PDE1A: variants seen among roughly 807,000 people sequenced by gnomAD.
PDE1A encodes dual specificity calcium/calmodulin-dependent 3',5'-cyclic nucleotide phosphodiesterase 1A.
Under a neutral mutation model 61.7 loss-of-function variants are expected in PDE1A, and 35 were observed. The ratio of observed to expected loss-of-function variants is 0.57; its 90% CI spans 0.43 to 0.75. The LOEUF (loss-of-function observed/expected upper bound fraction) is 0.75. Ranked by LOEUF, PDE1A falls within the 30% of genes least tolerant of loss-of-function variation. The pLI is 0.00. For missense variants in PDE1A, 597 were observed against 630.6 expected, an observed-to-expected ratio of 0.95 and a Z score of 0.57; for synonymous variants, 232 against 213.2, an observed-to-expected ratio of 1.09 and a Z score of -0.77.
chr2:182,653,656 T>C, the PDE1A span, among the ~76,000 whole-genome samples: 3 of 152,154 alleles, frequency 2.0e-5, no homozygotes, highest in Non-Finnish European at 2.9e-5. Flanking sequence ...TGGAAGGGGA[T>C]TGATGTAATC....
At chr2:182,439,426 TGAG>T (rs1684650262) in intron 2 of PDE1A, among the ~76,000 whole-genome samples, 1 of 151,862 alleles carries the variant, frequency 6.6e-6, no homozygotes, top group Non-Finnish European at 1.5e-5. Context: ...CTCTGGCAAT[TGAG>T]GAGATGGACA....
chr2:182,234,375 T>C, intron 4 of PDE1A, 57 bp downstream of exon 4: 1 of 1,192,462 alleles, frequency 8.4e-7, no homozygotes, highest in Admixed American at 1.9e-5. Flanking sequence ...CATAGCCTTT[T>C]TAAGAGAATT....
At chr2:182,620,387 T>C in the PDE1A span, among the ~76,000 whole-genome samples, 1 of 152,212 alleles carries the variant, frequency 6.6e-6, no homozygotes, top group Non-Finnish European at 1.5e-5. Flanking sequence ...AGTTTGATTA[T>C]AGCATCTATA....
At chr2:182,641,527 C>T in the PDE1A span, among the ~76,000 whole-genome samples, 1 of 152,022 alleles carries the variant, frequency 6.6e-6, no homozygotes, top group Non-Finnish European at 1.5e-5. Flanking sequence ...AACCACTAAT[C>T]CAAATGAGTT....
chr2:182,323,765 G>A (rs1014988722), intron 1 of PDE1A, among the ~76,000 whole-genome samples: 8 of 152,062 alleles, frequency 5.3e-5, no homozygotes, highest in Admixed American at 2.0e-4. Context: ...TACATCTCAC[G>A]AACTCTGAGG....
At chr2:182,339,728 G>A (rs916497198) in intron 1 of PDE1A, among the ~76,000 whole-genome samples, 1 of 152,128 alleles carries the variant, frequency 6.6e-6, no homozygotes, top group Non-Finnish European at 1.5e-5. Flanking sequence ...CTATGACAGT[G>A]GTTCCAAAAC....
intron 1 of PDE1A, among the ~76,000 whole-genome samples, chr2:182,331,247 T>C (rs1417692922): frequency 6.6e-6 from 1 of 152,214 alleles, no homozygotes; most frequent in Non-Finnish European, 1.5e-5. Flanking sequence ...GTGCTTAAGT[T>C]CACTCATCTA....
chr2:182,337,978 T>C (rs763412764), intron 1 of PDE1A, among the ~76,000 whole-genome samples: 1 of 152,222 alleles, frequency 6.6e-6, no homozygotes, highest in African/African-American at 2.4e-5. Context: ...CACATAGGTA[T>C]GTTCCTACTG....
intron 1 of PDE1A, among the ~76,000 whole-genome samples, chr2:182,379,645 AT>A (rs1700613561): frequency 1.3e-5 from 2 of 152,380 alleles, no homozygotes; most frequent in South Asian, 4.1e-4. Flanking sequence ...ATAACATAAA[AT>A]AATTTAAGCA....
intron 13 of PDE1A, among the ~76,000 whole-genome samples, chr2:182,152,911 G>C (rs1690871266): frequency 1.3e-5 from 2 of 152,138 alleles, no homozygotes; most frequent in Non-Finnish European, 2.9e-5. Context: ...TAAAATTAGA[G>C]CAAGTAATAC....
At chr2:182,305,449 G>C (rs1695517978) in intron 1 of PDE1A, among the ~76,000 whole-genome samples, 1 of 152,074 alleles carries the variant, frequency 6.6e-6, no homozygotes, top group Middle Eastern at 3.4e-3. Flanking sequence ...AGAGACTGCT[G>C]ACCAGATTTA....
chr2:182,495,406 T>C (rs1008231675), intron 2 of PDE1A, among the ~76,000 whole-genome samples: 3 of 152,182 alleles, frequency 2.0e-5, no homozygotes, highest in Non-Finnish European at 4.4e-5. Flanking sequence ...GAATCTGGCT[T>C]TGGTTGGCAC....
At chr2:182,613,814 G>C in the PDE1A span, among the ~76,000 whole-genome samples, 2 of 152,138 alleles carry the variant, frequency 1.3e-5, no homozygotes, top group Non-Finnish European at 2.9e-5. Flanking sequence ...GGATTGCCAT[G>C]GGGTATTTTA....
chr2:182,695,357 A>C, the PDE1A span, among the ~76,000 whole-genome samples: 1 of 152,184 alleles, frequency 6.6e-6, no homozygotes, highest in Non-Finnish European at 1.5e-5. Flanking sequence ...AAGTAGGAAA[A>C]CTTAAACTAT....
At chr2:182,495,318 C>T (rs183203267) in intron 2 of PDE1A, among the ~76,000 whole-genome samples, 208 of 152,176 alleles carry the variant, frequency 1.4e-3, no homozygotes, top group African/African-American at 4.7e-3. Flanking sequence ...CGATACAGAC[C>T]AGAGGAGGCC....
At chr2:182,252,881 G>C (rs185526061) in intron 2 of PDE1A, among the ~76,000 whole-genome samples, 155 of 152,296 alleles carry the variant, frequency 1.0e-3, no homozygotes, top group African/African-American at 3.6e-3. Context: ...AAAAGAGATG[G>C]AGAGTAGACA....
chr2:182,251,520 G>A (rs1691401244), intron 2 of PDE1A, among the ~76,000 whole-genome samples: 1 of 152,158 alleles, frequency 6.6e-6, no homozygotes, highest in Non-Finnish European at 1.5e-5. Context: ...AAGTTCCCAT[G>A]CTGTAAGACC....
chr2:182,387,773 A>G (rs1162755800), intron 1 of PDE1A, among the ~76,000 whole-genome samples: 2 of 150,198 alleles, frequency 1.3e-5, no homozygotes, highest in African/African-American at 5.0e-5. Context: ...AAAAAAAGAA[A>G]GAAAAAAGAA....
At chr2:182,243,183 G>T (rs1351542569) in intron 2 of PDE1A, among the ~76,000 whole-genome samples, 1 of 151,804 alleles carries the variant, frequency 6.6e-6, no homozygotes, top group Non-Finnish European at 1.5e-5. Flanking sequence ...AAACATTACA[G>T]AATTATTGTC....
Sources: gnomAD v4.1 joint callset for allele counts (sites outside exome capture counted in the v4.1 genomes callset) on GRCh38, gnomAD v4.1.1 for gene constraint, MANE v1.5 for transcripts, NCBI Gene and HGNC (gene_info 2026-07-23, HGNC 2026-07-21) for gene names.